Variants in USP34 observed in about 807,000 individuals in gnomAD.
The protein encoded by USP34 is ubiquitin carboxyl-terminal hydrolase 34.
USP34 carries 70 observed loss-of-function variants against 460.3 expected under a neutral mutation model. That is an observed-to-expected ratio of 0.15 (90% CI 0.13 to 0.19). The LOEUF (loss-of-function observed/expected upper bound fraction) is 0.19, where lower values mean the gene tolerates loss of function less well. Among genes scored for constraint, USP34 ranks in the 10% least tolerant of loss-of-function variants. The pLI is 1.00. For missense variants in USP34, 3,985 were observed against 4,236.2 expected (o/e 0.94, Z 1.65); for synonymous variants, 1,647 against 1,405.3 (o/e 1.17, Z -3.85).
intron 20 of USP34, among the ~76,000 whole-genome samples, chr2:61,329,797 A>C (rs533090197): frequency 4.1e-4 from 62 of 152,348 alleles, no homozygotes; most frequent in Non-Finnish European, 6.9e-4. Flanking sequence ...AAATTCTTAT[A>C]AACACTTATA....
intron 21 of USP34, among the ~76,000 whole-genome samples, chr2:61,321,285 A>T: frequency 6.6e-6 from 1 of 152,132 alleles, no homozygotes; most frequent in East Asian, 1.9e-4. Context: ...ATCCTGGCCA[A>T]CATGGTGAAA....
rs779647813 is a variant in USP34, at chr2:61,470,615, G to A, written c.43+35C>T. On this transcript the variant is annotated intron_variant, in intron 1 of 79. Coordinates refer to ENST00000398571, the MANE Select transcript of USP34 (RefSeq NM_014709.4). ...GAGAGCTGCGCGAGGACCCCAAACC[G>A]TGCACCCCGACAGGCCGCTACCGCG... 2.0e-5 allele frequency: 30 copies of A among 1,509,060 alleles called. No individual in the cohort carries two copies. The East Asian group carries it at 6.5e-4, about 33-fold the overall frequency. The allele number at this position is 1,509,060 out of a possible 1,614,324, so 93.5% of individuals were successfully genotyped here. A position where few individuals can be genotyped will look rare whatever the true frequency, so the allele number is the denominator to read the frequency against.
intron 27 of USP34, among the ~76,000 whole-genome samples, chr2:61,304,457 T>C (rs920145825): frequency 1.3e-5 from 2 of 152,206 alleles, no homozygotes; most frequent in Non-Finnish European, 2.9e-5. Flanking sequence ...AATCTGTATG[T>C]CGAATCCTAA....
intron 23 of USP34, 54 bp downstream of exon 23, chr2:61,317,600 G>A: frequency 1.4e-6 from 2 of 1,466,058 alleles, no homozygotes; most frequent in South Asian, 2.3e-5. Context: ...AACCGAATTT[G>A]ATAATCTAAT....
chr2:61,191,207 A>G (rs1686631018), intron 76 of USP34: 1 of 152,452 alleles, frequency 6.6e-6, no homozygotes, highest in African/African-American at 2.4e-5. Flanking sequence ...TATCTCACAC[A>G]GAATCAGTGG....
At chr2:61,466,506 G>A (rs1188852567) in intron 1 of USP34, among the ~76,000 whole-genome samples, 2 of 152,162 alleles carry the variant, frequency 1.3e-5, no homozygotes, top group Non-Finnish European at 2.9e-5. Context: ...AAATGTTTGA[G>A]ATGGATATAC....
chr2:61,280,343 A>G lies in USP34; in HGVS notation c.5157T>C (p.Asp1719=). ...TTAATATTGGTTCTTCCTCATAATC[A>G]TCTATCTATTAAAAAAATTTTATAC... ...DAQALKPIRI[D]DYEEEPILKP... Residue 1719 remains aspartate (D), a synonymous_variant, in exon 39 of 80, where the codon GAT becomes GAC. Coordinates refer to ENST00000398571, the MANE Select transcript of USP34 (RefSeq NM_014709.4). 6.8e-7 allele frequency: 1 copy of G among 1,481,314 alleles called. No homozygotes were observed. Among genetic ancestry groups the G allele is most frequent in the Non-Finnish European group, 9.0e-7 (1 of 1,112,000 alleles). 91.8% of individuals were successfully genotyped at this position (1,481,314 alleles called of 1,614,324 possible). A position where few individuals can be genotyped will look rare whatever the true frequency, so the allele number is the denominator to read the frequency against.
intron 1 of USP34, among the ~76,000 whole-genome samples, chr2:61,447,844 T>A (rs1179773175): frequency 1.3e-5 from 2 of 152,150 alleles, no homozygotes; most frequent in African/African-American, 4.8e-5. Flanking sequence ...GCCTCCCAAG[T>A]AGTTGGGATT....
At chr2:61,383,226 T>TTTATAA in intron 6 of USP34, 43 bp downstream of exon 6, 1 of 1,370,358 alleles carries the variant, frequency 7.3e-7, no homozygotes, top group Non-Finnish European at 1.0e-6. Context: ...TGTTTAAATA[T>TTTATAA]ATTACACTGA....
At chr2:61,367,503 C>T (rs940793609) in intron 10 of USP34, among the ~76,000 whole-genome samples, 2 of 152,152 alleles carry the variant, frequency 1.3e-5, no homozygotes, top group African/African-American at 4.8e-5. Flanking sequence ...CAATGTTAGA[C>T]ATGGGAAGTC....
At chr2:61,353,919 C>G (rs767383606) in intron 10 of USP34, among the ~76,000 whole-genome samples, 1 of 152,144 alleles carries the variant, frequency 6.6e-6, no homozygotes, top group East Asian at 1.9e-4. Context: ...AAAGGCAGCT[C>G]TGAGCAAGCG....
Position 61,350,561 on chromosome 2 carries a change from G to T in USP34, c.1377+7C>A. 6.3e-7 allele frequency: 1 copy of T among 1,597,884 alleles called. No individual in the cohort carries two copies. Among genetic ancestry groups the T allele is most frequent in the Non-Finnish European group, 8.5e-7 (1 of 1,175,734 alleles). Reference sequence around the variant, plus strand: ...AAAAAAAAACTATCATGTTTTGAATGTATTACCTGTTCAGTATGAACACTT... The same window carrying T: ...AAAAAAAAACTATCATGTTTTGAATTTATTACCTGTTCAGTATGAACACTT... On this transcript the variant is annotated splice_region_variant and intron_variant, in intron 11 of 79. Coordinates refer to ENST00000398571, the MANE Select transcript of USP34 (RefSeq NM_014709.4).
chr2:61,282,962 T>C (rs1246938401), intron 37 of USP34, among the ~76,000 whole-genome samples, 183 bp downstream of exon 37: 2 of 152,176 alleles, frequency 1.3e-5, no homozygotes, highest in African/African-American at 2.4e-5. Context: ...TAATATATAA[T>C]AGTCAGAAGT....
intron 51 of USP34, 49 bp from the exon 52 acceptor site, chr2:61,241,868 C>A: frequency 1.0e-6 from 1 of 955,220 alleles, no homozygotes; most frequent in Non-Finnish European, 1.5e-6. Context: ...TGGGTATACT[C>A]AGCTATATTT....
intron 75 of USP34, among the ~76,000 whole-genome samples, chr2:61,198,574 T>TA (rs1558461644): frequency 6.7e-6 from 1 of 148,546 alleles, no homozygotes; most frequent in Non-Finnish European, 1.5e-5. Flanking sequence ...TTTTTTTTTT[T>TA]AAGAGAGAGA....
intron 10 of USP34, among the ~76,000 whole-genome samples, chr2:61,356,032 C>A (rs1692090907): frequency 1.3e-5 from 2 of 152,218 alleles, no homozygotes; most frequent in Admixed American, 1.3e-4. Context: ...ACCATTTAAT[C>A]CAGCAATCTG....
intron 16 of USP34, among the ~76,000 whole-genome samples, chr2:61,341,849 G>A (rs934125900): frequency 7.8e-6 from 1 of 128,496 alleles, no homozygotes; most frequent in Non-Finnish European, 1.6e-5. Context: ...CAACCTCCCC[G>A]CCTCTCAGGT....
chr2:61,424,233 CA>C (rs1694444630), intron 1 of USP34, among the ~76,000 whole-genome samples: 2 of 152,188 alleles, frequency 1.3e-5, no homozygotes, highest in African/African-American at 4.8e-5. Context: ...TCCTAGGCTA[CA>C]AACCTGTATG....
intron 8 of USP34, 30 bp downstream of exon 8, chr2:61,378,333 A>C (rs184844953): frequency 1.4e-6 from 2 of 1,446,064 alleles, no homozygotes; most frequent in South Asian, 2.5e-5. Flanking sequence ...AAAATGGTAT[A>C]CTTATATATA....
Sources: gnomAD v4.1 joint callset for allele counts (sites outside exome capture counted in the v4.1 genomes callset) on GRCh38, gnomAD v4.1.1 for gene constraint, MANE v1.5 for transcripts, NCBI Gene and HGNC (gene_info 2026-07-23, HGNC 2026-07-21) for gene names.